The following ARHGAP6 variants were observed in gnomAD, a reference collection of about 807,000 sequenced individuals.
ARHGAP6 encodes Rho GTPase activating protein 6.
Under a neutral mutation model 55.7 loss-of-function variants are expected in ARHGAP6, and 16 were observed. The observed-to-expected ratio is 0.29, with a 90% CI of 0.19 to 0.44. ARHGAP6 has a LOEUF of 0.44. ARHGAP6 is among the 20% of genes least tolerant of loss of function. ARHGAP6 has a pLI of 1.00. For missense variants in ARHGAP6, 698 were observed against 808.9 expected, an observed-to-expected ratio of 0.86 and a Z score of 1.66; for synonymous variants, 382 against 360.9, an observed-to-expected ratio of 1.06 and a Z score of -0.66.
rs765948900 is a variant in ARHGAP6 at position 11,486,972 on chromosome X, G to A, written c.588+177269C>T. ...GTGGAGGCTGGTGGTGGCAATGGGA[G>A]ATTGGGTACATATGGGGGTAATTGA... On this transcript the variant is annotated intron_variant, in intron 1 of 12. Transcript: ENST00000337414. Among the ~76,000 whole-genome samples the A allele has an allele frequency of 2.5e-4, 28 of 111,196 alleles. No homozygotes were observed. The East Asian group carries it at 7.4e-3, about 29-fold the overall frequency.
At chrX:11,523,695 T>G (rs1362314226) in intron 1 of ARHGAP6, among the ~76,000 whole-genome samples, 1 of 111,784 alleles carries the variant, frequency 8.9e-6, no homozygotes, top group Non-Finnish European at 1.9e-5. Flanking sequence ...TTACCTTGAT[T>G]TCCACCTATG....
At chrX:11,540,927 G>T (rs1483607732) in intron 1 of ARHGAP6, among the ~76,000 whole-genome samples, 2 of 112,624 alleles carry the variant, frequency 1.8e-5, no homozygotes, top group Admixed American at 1.9e-4. Flanking sequence ...CATGGCAGAA[G>T]AATTGCATTT....
chrX:11,397,711 A>G (rs2049494286), intron 1 of ARHGAP6, among the ~76,000 whole-genome samples: 1 of 111,006 alleles, frequency 9.0e-6, no homozygotes, highest in Middle Eastern at 4.2e-3. Flanking sequence ...CCCCATCTCT[A>G]CAAAAAATAC....
chrX:11,207,966 C>A (rs907515480), intron 2 of ARHGAP6, among the ~76,000 whole-genome samples: 3 of 111,330 alleles, frequency 2.7e-5, no homozygotes, highest in Non-Finnish European at 3.8e-5. Context: ...TTAAGTACAA[C>A]TACACAATAG....
intron 1 of ARHGAP6, among the ~76,000 whole-genome samples, chrX:11,565,099 G>A (rs368161367): frequency 8.0e-5 from 9 of 112,114 alleles, no homozygotes; most frequent in African/African-American, 1.9e-4. Flanking sequence ...GTAAGGATAC[G>A]GTTAGGGAGT....
At chrX:11,489,560 G>C (rs766914441) in intron 1 of ARHGAP6, among the ~76,000 whole-genome samples, 1 of 112,338 alleles carries the variant, frequency 8.9e-6, no homozygotes, top group African/African-American at 3.2e-5. Context: ...AAATAGGTAT[G>C]GCTTTGCACC....
Position 11,186,770 on chromosome X carries a change from C to A in ARHGAP6, c.1078-339G>T, listed in dbSNP as rs191311489. Among the ~76,000 whole-genome samples, 19 of 111,621 alleles carry A rather than the reference C, an allele frequency of 1.7e-4. No homozygotes were observed. In the East Asian group the frequency reaches 5.1e-3, roughly 30 times the overall value. ...TGAAACAAGAAAAAAATTACATACT[C>A]AATCAATGAGGTAGTCAGAGAAGTC... On this transcript the variant is annotated intron_variant, in intron 4 of 12. Coordinates refer to ENST00000337414, the MANE Select transcript of ARHGAP6 (RefSeq NM_013427.3).
intron 1 of ARHGAP6, chrX:11,300,473 T>C: frequency 3.9e-6 from 2 of 516,802 alleles, no homozygotes; most frequent in Non-Finnish European, 6.4e-6. Context: ...CAAAGAAACT[T>C]CAGAAATTAT....
chrX:11,306,453 TAATGATA>T (rs1448796176), intron 1 of ARHGAP6, among the ~76,000 whole-genome samples: 2 of 112,752 alleles, frequency 1.8e-5, no homozygotes, highest in Non-Finnish European at 3.7e-5. Context: ...CATATAAAAG[TAATGATA>T]ATAATAACAC....
chrX:11,301,836 G>T (rs1483420179), intron 1 of ARHGAP6, among the ~76,000 whole-genome samples: 1 of 111,755 alleles, frequency 8.9e-6, no homozygotes, highest in Non-Finnish European at 1.9e-5. Context: ...AGGCCAAATG[G>T]TATTAATACT....
At position 11,469,507 on chromosome X, in the gene ARHGAP6, C is replaced by G. The variant is rs184407133; in HGVS notation, c.588+194734G>C. ...TGCCCATAGAATGCTGACATAGTCT[C>G]CTGAGGAGTCTTTTACTTGAAATCT... On this transcript the variant is annotated intron_variant, in intron 1 of 12. Coordinates refer to ENST00000337414, the MANE Select transcript of ARHGAP6 (RefSeq NM_013427.3). 4.0e-3 allele frequency among the ~76,000 whole-genome samples: 448 copies of G among 111,572 alleles called. 2 individuals carry two copies. Among genetic ancestry groups the G allele is most frequent in the Non-Finnish European group, 5.4e-3 (287 of 53,122 alleles).
At position 11,370,892 on chromosome X, in the gene ARHGAP6, C is replaced by T. The variant is rs1011196746; in HGVS notation, c.589-116185G>A. Among the ~76,000 whole-genome samples the T allele has an allele frequency of 5.5e-5, 6 of 109,690 alleles. No individual in the cohort carries two copies. The Admixed American group carries it at 6.0e-4, about 11-fold the overall frequency. ...GCAGGTCATTTTCAAAGTATGCTTACAAACAACAACAACAACAACAACAAC... is the reference window on the plus strand; with the variant it reads ...GCAGGTCATTTTCAAAGTATGCTTATAAACAACAACAACAACAACAACAAC... On this transcript the variant is annotated intron_variant, in intron 1 of 12. Coordinates refer to ENST00000337414, the MANE Select transcript of ARHGAP6 (RefSeq NM_013427.3).
intron 1 of ARHGAP6, among the ~76,000 whole-genome samples, chrX:11,313,458 G>A (rs1468580662): frequency 2.7e-5 from 3 of 111,889 alleles, no homozygotes; most frequent in Non-Finnish European, 5.6e-5. Context: ...TGTCTATGCT[G>A]TTTCCTTTGC....
chrX:11,602,510 C>A (rs1398146163), intron 1 of ARHGAP6, among the ~76,000 whole-genome samples: 1 of 112,818 alleles, frequency 8.9e-6, no homozygotes, highest in African/African-American at 3.2e-5. Context: ...CCACACTACC[C>A]TGCCACTTAC....
chrX:11,529,391 A>T (rs1178202836), intron 1 of ARHGAP6, among the ~76,000 whole-genome samples: 2 of 112,357 alleles, frequency 1.8e-5, no homozygotes, highest in Admixed American at 1.9e-4. Context: ...TAAAAATAAA[A>T]TAAATTACTA....
At chrX:11,624,444 C>G (rs142570214) in intron 1 of ARHGAP6, among the ~76,000 whole-genome samples, 26 of 112,924 alleles carry the variant, frequency 2.3e-4, no homozygotes, top group African/African-American at 8.3e-4. Context: ...AGAAAACATA[C>G]AGAATGGGAG....
At chrX:11,463,669 C>T (rs908224308) in intron 1 of ARHGAP6, among the ~76,000 whole-genome samples, 2 of 111,983 alleles carry the variant, frequency 1.8e-5, no homozygotes, top group African/African-American at 6.5e-5. Context: ...TTACATGCTA[C>T]ATTGCACTCA....
intron 1 of ARHGAP6, among the ~76,000 whole-genome samples, chrX:11,444,383 A>G (rs185039681): frequency 2.7e-3 from 303 of 112,570 alleles, no homozygotes; most frequent in Non-Finnish European, 4.0e-3. Flanking sequence ...GAGCTTGCTA[A>G]TTGTCTACCC....
intron 1 of ARHGAP6, among the ~76,000 whole-genome samples, chrX:11,470,192 A>G (rs763108735): frequency 8.9e-6 from 1 of 112,117 alleles, no homozygotes; most frequent in South Asian, 3.7e-4. Flanking sequence ...ACCAATTTCC[A>G]GCAATGTATT....
Sources: allele counts gnomAD v4.1 joint callset (sites outside exome capture counted in the v4.1 genomes callset), GRCh38; gene constraint gnomAD v4.1.1; transcripts MANE v1.5; gene names NCBI Gene and HGNC (gene_info 2026-07-23, HGNC 2026-07-21).